The following SGCE variants were observed in gnomAD, a reference collection of about 807,000 sequenced individuals.
SGCE encodes the protein sarcoglycan epsilon.
SGCE carries 26 observed loss-of-function variants against 57.8 expected under a neutral mutation model. The observed-to-expected ratio is 0.45, with a 90% CI of 0.33 to 0.62. SGCE has a LOEUF of 0.62. SGCE is among the 20% of genes least tolerant of loss of function. The probability of loss-of-function intolerance (pLI) is 0.02; values close to 1 mark genes in which losing one functional copy is unlikely to be tolerated. For missense variants in SGCE, 468 were observed against 548.6 expected, an observed-to-expected ratio of 0.85 and a Z score of 1.47; for synonymous variants, 183 against 189.5, an observed-to-expected ratio of 0.97 and a Z score of 0.28.
chr7:94,600,474 C>T (rs1799032329), intron 7 of SGCE, 172 bp downstream of exon 7: 1 of 593,670 alleles, frequency 1.7e-6, no homozygotes. Flanking sequence ...ATTTACTAGA[C>T]TCAAAACTAT....
chr7:94,614,063 A>AGCACTG (rs1801477191), intron 5 of SGCE, among the ~76,000 whole-genome samples: 1 of 148,638 alleles, frequency 6.7e-6, no homozygotes. Flanking sequence ...TGCAAGCCAG[A>AGCACTG]GCACTGCATT....
At chr7:94,624,017 A>G (rs981452438) in intron 3 of SGCE, 1 of 393,026 alleles carries the variant, frequency 2.5e-6, no homozygotes, top group Non-Finnish European at 4.5e-6. Flanking sequence ...TGCAGAGCCA[A>G]TAGACTTACA....
Position 94,623,374 on chromosome 7 carries a change from G to T in SGCE, c.414C>A (p.Thr138=). Residue 138 remains threonine (T), a synonymous_variant, in exon 4 of 11, where the codon ACC becomes ACA. Coordinates refer to ENST00000648936, the MANE Select transcript of SGCE (RefSeq NM_003919.3). ...TCAAATTATGCCTTGCAGTCTCAAA[G>T]GTGCGCCTGTTGTAGGCAGTTATCT... ...IIEITAYNRR[T]FETARHNLII... 6.2e-7 allele frequency: 1 copy of T among 1,605,642 alleles called. No individual in the cohort carries two copies. Among genetic ancestry groups the T allele is most frequent in the Non-Finnish European group, 8.5e-7 (1 of 1,173,548 alleles).
At chr7:94,586,792 G>A (rs528220025) in intron 10 of SGCE, 181 of 979,222 alleles carry the variant, frequency 1.8e-4, no homozygotes, top group Middle Eastern at 1.6e-3. Flanking sequence ...GTGAGCCACC[G>A]CACCCAGCCT....
In SGCE at chr7:94,630,836, C is replaced by T. The variant is rs973718811; in HGVS notation, c.110-995G>A. The stretch of plus-strand genomic sequence containing the variant: ...AAATATGGTAATTAACCTTATGAAC[C>T]ACAAGGCTGCTCACTCCAAGCTCAC... On this transcript the variant is annotated intron_variant, in intron 1 of 10. Transcript: ENST00000648936. Among the ~76,000 whole-genome samples, 7 of 151,776 alleles carry T rather than the reference C, an allele frequency of 4.6e-5. No homozygotes were observed. In the South Asian group the frequency reaches 6.2e-4, roughly 13 times the overall value.
chr7:94,588,384 C>G, intron 10 of SGCE: 1 of 1,159,670 alleles, frequency 8.6e-7, no homozygotes, highest in Non-Finnish European at 1.1e-6. Flanking sequence ...AAGAATCTTT[C>G]ATACCAAGGG....
At chr7:94,606,756 ACTGT>A (rs1344526319) in intron 5 of SGCE, among the ~76,000 whole-genome samples, 2 of 152,206 alleles carry the variant, frequency 1.3e-5, no homozygotes, top group African/African-American at 2.4e-5. Flanking sequence ...GAAATCATAC[ACTGT>A]CTGTTCTCAG....
chr7:94,651,028 G>A (rs575144118), intron 1 of SGCE, among the ~76,000 whole-genome samples: 1 of 152,224 alleles, frequency 6.6e-6, no homozygotes, highest in Admixed American at 6.5e-5. Context: ...TTAGAGCAGG[G>A]TACTATTAAT....
At chr7:94,616,945 G>A (rs1802019680) in intron 5 of SGCE, 1 of 152,256 alleles carries the variant, frequency 6.6e-6, no homozygotes, top group South Asian at 2.1e-4. Context: ...GTTGGGAAGG[G>A]ATCTGAGACA....
At chr7:94,642,397 TG>T (rs1806516242) in intron 1 of SGCE, among the ~76,000 whole-genome samples, 1 of 152,208 alleles carries the variant, frequency 6.6e-6, no homozygotes, top group South Asian at 2.1e-4. Flanking sequence ...GGGTTTTTCC[TG>T]ATGGCTATGT....
At chr7:94,649,914 A>G (rs1368910261) in intron 1 of SGCE, among the ~76,000 whole-genome samples, 1 of 152,240 alleles carries the variant, frequency 6.6e-6, no homozygotes, top group Admixed American at 6.5e-5. Flanking sequence ...ACTCCAGGGT[A>G]TAAAAATAGC....
rs1802378223 is a variant in SGCE at position 94,619,123 on chromosome 7, A to T, written c.464-167T>A. The T allele has an allele frequency of 4.8e-6, 3 of 624,836 alleles. No individual in the cohort carries two copies. The East Asian group carries it at 8.3e-5, about 17-fold the overall frequency. The allele number at this position is 624,836 out of a possible 1,614,324, so 38.7% of individuals were successfully genotyped here. On this transcript the variant is annotated intron_variant, in intron 4 of 10. Transcript: ENST00000648936. ...CTGTTTAACAGAGGATGTATCTAAA[A>T]ACATAACTGACATTAGAAACAGAAC...
At chr7:94,609,512 A>C (rs1365126630) in intron 5 of SGCE, among the ~76,000 whole-genome samples, 1 of 152,224 alleles carries the variant, frequency 6.6e-6, no homozygotes, top group Non-Finnish European at 1.5e-5. Context: ...AGCCTGGGTG[A>C]CACAGTAAGA....
At chr7:94,652,349 AAAAAAG>A (rs1383471132) in intron 1 of SGCE, among the ~76,000 whole-genome samples, 5 of 152,204 alleles carry the variant, frequency 3.3e-5, no homozygotes, top group African/African-American at 1.2e-4. Flanking sequence ...GATAATTAGC[AAAAAAG>A]AAAAAGGAAG....
At chr7:94,602,208 C>T (rs1218395262) in intron 6 of SGCE, among the ~76,000 whole-genome samples, 4 of 152,106 alleles carry the variant, frequency 2.6e-5, no homozygotes, top group South Asian at 4.1e-4. Context: ...ACCCTTGTAT[C>T]GTTAGCACCA....
intron 1 of SGCE, among the ~76,000 whole-genome samples, chr7:94,634,302 T>G (rs1489797539): frequency 6.6e-6 from 1 of 152,170 alleles, no homozygotes; most frequent in Non-Finnish European, 1.5e-5. Context: ...TTGATTCTTT[T>G]TCATGATGGT....
chr7:94,625,821 C>T (rs182831348), intron 3 of SGCE: 33 of 152,052 alleles, frequency 2.2e-4, no homozygotes, highest in African/African-American at 7.9e-4. Context: ...TGTGGCTTTC[C>T]AGTGTTGTGC....
chr7:94,588,685 T>C lies in SGCE; in HGVS notation c.1297+4A>G. On this transcript the variant is annotated splice_donor_region_variant and intron_variant, in intron 10 of 10. Coordinates refer to ENST00000648936, the MANE Select transcript of SGCE (RefSeq NM_003919.3). ...AACATTAATTTATTATTCTTAGCACTCACCTGTAGTCTGCTGTTGGGGAAT... is the reference window on the plus strand; with the variant it reads ...AACATTAATTTATTATTCTTAGCACCCACCTGTAGTCTGCTGTTGGGGAAT... 6.3e-7 allele frequency: 1 copy of C among 1,588,746 alleles called. No homozygotes were observed. The highest frequency in any genetic ancestry group is 8.6e-7 in the Non-Finnish European group (1 of 1,156,998).
rs1207660819 is a variant in SGCE, at chr7:94,603,325, T to C, written c.790A>G (p.Thr264Ala). 3 of 1,612,482 alleles carry C rather than the reference T, an allele frequency of 1.9e-6. No individual in the cohort carries two copies. Among genetic ancestry groups the C allele is most frequent in the South Asian group, 1.1e-5 (1 of 90,918 alleles). The change falls in exon 6 of 11, where the codon ACT becomes GCT. Residue 264 changes from threonine (T) to alanine (A), a missense_variant. Coordinates refer to ENST00000648936, the MANE Select transcript of SGCE (RefSeq NM_003919.3). ...TTGCACCAGTCAATGTAAAATTGAG[T>C]ACGAAATTTTTTATCACATGTTATT... Reference protein sequence around the residue: ...PVITCDKKFRTQFYIDWCKIS... With the variant: ...PVITCDKKFRAQFYIDWCKIS...
Sources: allele counts gnomAD v4.1 joint callset (sites outside exome capture counted in the v4.1 genomes callset), GRCh38; gene constraint gnomAD v4.1.1; transcripts MANE v1.5; gene names NCBI Gene and HGNC (gene_info 2026-07-23, HGNC 2026-07-21).